The following PPP2R5C variants were observed in gnomAD, a reference collection of about 807,000 sequenced individuals.
The protein encoded by PPP2R5C is serine/threonine-protein phosphatase 2A 56 kDa regulatory subunit gamma isoform.
PPP2R5C carries 7 observed loss-of-function variants against 68.9 expected under a neutral mutation model. The ratio of observed to expected loss-of-function variants is 0.10; its 90% CI spans 0.06 to 0.19. The LOEUF (loss-of-function observed/expected upper bound fraction) is 0.19. Ranked by LOEUF, PPP2R5C falls within the 10% of genes least tolerant of loss-of-function variation. PPP2R5C has a pLI of 1.00. For synonymous variants in PPP2R5C, 210 were observed against 222.2 expected (o/e 0.95, Z 0.49); for missense variants, 348 against 641.3 (o/e 0.54, Z 4.94).
At position 101,917,485 on chromosome 14, in the gene PPP2R5C, C is replaced by A. The variant is rs1196007473; in HGVS notation, c.1327-346C>A. Among the ~76,000 whole-genome samples the A allele has an allele frequency of 6.6e-6, 1 of 152,292 alleles. No individual in the cohort carries two copies. The highest frequency in any genetic ancestry group is 1.9e-4 in the East Asian group (1 of 5,186). On this transcript the variant is annotated intron_variant, in intron 12 of 13. Transcript: ENST00000334743. This position sits in a 1 kb window ranked among gnomAD's most constrained non-coding sequence, Gnocchi z 4.4. The stretch of plus-strand genomic sequence containing the variant: ...GGTGAGGGTTCCAGTGGTGAGACAG[C>A]TCCCACCACCGAGCCCAGGGTGCGA...
At chr14:101,884,049 C>T (rs975722779) in intron 5 of PPP2R5C, among the ~76,000 whole-genome samples, 2 of 152,196 alleles carry the variant, frequency 1.3e-5, no homozygotes, top group Non-Finnish European at 2.9e-5. Flanking sequence ...AGTAGGGAGA[C>T]GGACAGTGCA....
At chr14:101,826,732 C>G (rs2040422411) in intron 1 of PPP2R5C, among the ~76,000 whole-genome samples, 1 of 152,012 alleles carries the variant, frequency 6.6e-6, no homozygotes, top group African/African-American at 2.4e-5. Context: ...ATTCTGTAGC[C>G]TTTCCTGGGT....
chr14:101,920,006 A>G lies in PPP2R5C; in HGVS notation c.1443+2059A>G, dbSNP rs1318294724. ...AAAAAAAAAAAACCAATTCTTACAC[A>G]TTAAATAGCTTAGGGTTGGGGAATT... On this transcript the variant is annotated intron_variant, in intron 13 of 13. Coordinates refer to ENST00000334743, the Ensembl canonical transcript of PPP2R5C. Among the ~76,000 whole-genome samples, 7 of 151,412 alleles carry G rather than the reference A, an allele frequency of 4.6e-5. No homozygotes were observed. The East Asian group carries it at 5.8e-4, about 13-fold the overall frequency.
rs2037562934 is a variant in PPP2R5C, at chr14:101,779,296, C to T, written c.94-6722C>T. Among the ~76,000 whole-genome samples the T allele has an allele frequency of 3.9e-5, 6 of 152,216 alleles. No individual in the cohort carries two copies. The South Asian group carries it at 1.2e-3, about 32-fold the overall frequency. On this transcript the variant is annotated intron_variant, in intron 2 of 14. Coordinates refer to the PPP2R5C transcript ENST00000328724. ...GAGATGTGTCCATGCTCTCAACAAGCTCAGAATCTCTTTGTAGAAGCAGAC... is the reference window on the plus strand; with the variant it reads ...GAGATGTGTCCATGCTCTCAACAAGTTCAGAATCTCTTTGTAGAAGCAGAC...
chr14:101,812,876 C>T (rs574526367), intron 1 of PPP2R5C, among the ~76,000 whole-genome samples: 2 of 152,298 alleles, frequency 1.3e-5, no homozygotes, highest in East Asian at 3.9e-4. Flanking sequence ...TCGCTTTGAC[C>T]ATTATTGTCT....
intron 2 of PPP2R5C, among the ~76,000 whole-genome samples, chr14:101,875,060 T>C (rs1050282232): frequency 6.6e-6 from 1 of 152,252 alleles, no homozygotes; most frequent in African/African-American, 2.4e-5. Context: ...TATTTCCATA[T>C]CTTTAACTGC....
At chr14:101,787,223 G>A (rs1247828328) in intron 3 of PPP2R5C, among the ~76,000 whole-genome samples, 6 of 151,892 alleles carry the variant, frequency 4.0e-5, no homozygotes, top group Admixed American at 1.3e-4. Flanking sequence ...GCACTTCAGC[G>A]TGGATGACAG....
intron 8 of PPP2R5C, among the ~76,000 whole-genome samples, chr14:101,894,946 ATTG>A (rs2045212469): frequency 6.6e-6 from 1 of 152,186 alleles, no homozygotes; most frequent in South Asian, 2.1e-4. Context: ...GTTTGAAATT[ATTG>A]TTGTACTAAA....
At chr14:101,785,181 T>A (rs1435415106) in intron 2 of PPP2R5C, among the ~76,000 whole-genome samples, 1 of 152,076 alleles carries the variant, frequency 6.6e-6, no homozygotes, top group South Asian at 2.1e-4. Flanking sequence ...GGGGAGGCAC[T>A]CAGATGGCCT....
intron 1 of PPP2R5C, among the ~76,000 whole-genome samples, chr14:101,826,901 T>C (rs1477802026): frequency 6.6e-6 from 1 of 152,126 alleles, no homozygotes; most frequent in African/African-American, 2.4e-5. Context: ...CCTGGTTGTA[T>C]TGTAAAAAGC....
intron 1 of PPP2R5C, among the ~76,000 whole-genome samples, chr14:101,833,713 C>T (rs1340886655): frequency 1.3e-5 from 2 of 152,186 alleles, no homozygotes; most frequent in African/African-American, 2.4e-5. Context: ...AAACTGTTTT[C>T]TCAAGGCATT....
chr14:101,762,244 C>G (rs1489601816), intron 1 of PPP2R5C, among the ~76,000 whole-genome samples: 1 of 151,972 alleles, frequency 6.6e-6, no homozygotes, highest in Non-Finnish European at 1.5e-5. Context: ...TCCGACAGCG[C>G]GCCGTGGGCT....
chr14:101,912,259 A>T (rs564600654), intron 11 of PPP2R5C, 142 bp from the exon 14 acceptor site: 1 of 537,162 alleles, frequency 1.9e-6, no homozygotes, highest in South Asian at 4.8e-5. Flanking sequence ...TGCTGTGCTC[A>T]GCACGTAAGT....
In PPP2R5C at chr14:101,877,859, C is replaced by T. The variant is rs2043886690; in HGVS notation, c.295-4302C>T. ...TTACACATGAGAAATGACTTTCAATCAATCAGAATTGGCCTGGAATGAACC... is the reference window on the plus strand; with the variant it reads ...TTACACATGAGAAATGACTTTCAATTAATCAGAATTGGCCTGGAATGAACC... On this transcript the variant is annotated intron_variant, in intron 2 of 13. Transcript: ENST00000334743. This position sits in a 1 kb window ranked among gnomAD's most constrained non-coding sequence, Gnocchi z 4.2. 6.6e-6 allele frequency among the ~76,000 whole-genome samples: 1 copy of T among 152,194 alleles called. No homozygotes were observed. The highest frequency in any genetic ancestry group is 1.5e-5 in the Non-Finnish European group (1 of 68,040).
chr14:101,882,929 TC>T lies in PPP2R5C; in HGVS notation c.406-322del. ...ACACTCCTAGGCGACAGGCTGCAAA[TC>T]CCCCCTGCAGAGTTGGGTCATGGCT... On this transcript the variant is annotated intron_variant, in intron 3 of 13. Transcript: ENST00000334743. The surrounding 1 kb of genome is among the most constrained non-coding windows in gnomAD (Gnocchi z 4.9). The T allele has an allele frequency of 4.4e-6, 1 of 225,172 alleles. No homozygotes were observed. The highest frequency in any genetic ancestry group is 1.3e-4 in the East Asian group (1 of 7,474). 13.9% of individuals were successfully genotyped at this position (225,172 alleles called of 1,614,324 possible). A position where few individuals can be genotyped will look rare whatever the true frequency, so the allele number is the denominator to read the frequency against.
At chr14:101,795,814 C>G (rs2038579845) in intron 3 of PPP2R5C, among the ~76,000 whole-genome samples, 2 of 152,156 alleles carry the variant, frequency 1.3e-5, no homozygotes, top group South Asian at 4.1e-4. Context: ...ACTTCACCCT[C>G]ATTCAAAGCA....
chr14:101,792,936 G>A (rs1188115941), intron 3 of PPP2R5C, among the ~76,000 whole-genome samples: 1 of 150,562 alleles, frequency 6.6e-6, no homozygotes, highest in Non-Finnish European at 1.5e-5. Context: ...GGAGTGCAGT[G>A]GTGCAATCTT....
At chr14:101,861,955 C>T (rs931882170) in intron 2 of PPP2R5C, among the ~76,000 whole-genome samples, 1 of 152,156 alleles carries the variant, frequency 6.6e-6, no homozygotes, top group Non-Finnish European at 1.5e-5. Context: ...GCTCTGTTGC[C>T]CAGGCGGAGT....
Position 101,915,351 on chromosome 14 carries a change from A to G in PPP2R5C, c.1327-2480A>G, listed in dbSNP as rs1185223856. The stretch of plus-strand genomic sequence containing the variant: ...TGCCTCGGCCTCCCAGAGTGCTGGG[A>G]TTACAGGTGTGAGCCACCGCACCTG... On this transcript the variant is annotated intron_variant, in intron 12 of 13. Coordinates refer to ENST00000334743, the Ensembl canonical transcript of PPP2R5C. The surrounding 1 kb of genome is among the most constrained non-coding windows in gnomAD (Gnocchi z 4.2). 3.3e-5 allele frequency among the ~76,000 whole-genome samples: 5 copies of G among 152,130 alleles called. No individual in the cohort carries two copies. Among genetic ancestry groups the G allele is most frequent in the African/African-American group, 9.7e-5 (4 of 41,418 alleles).
Sources: allele counts gnomAD v4.1 joint callset (sites outside exome capture counted in the v4.1 genomes callset), GRCh38; gene constraint gnomAD v4.1.1; non-coding constraint Gnocchi (gnomAD v3.1); transcripts MANE v1.5; gene names NCBI Gene and HGNC (gene_info 2026-07-23, HGNC 2026-07-21).